The following CSRP2 variants were observed in gnomAD, a reference collection of about 807,000 sequenced individuals.
CSRP2 encodes cysteine and glycine rich protein 2, also known as cysteine and glycine-rich protein 2.
In CSRP2, 18 loss-of-function variants were observed where a neutral mutation model predicts 24.6. The ratio of observed to expected loss-of-function variants is 0.73; its 90% CI spans 0.51 to 1.09. The LOEUF (loss-of-function observed/expected upper bound fraction) is 1.09, where lower values mean the gene tolerates loss of function less well. CSRP2 is among the 50% of genes least tolerant of loss of function. The probability of loss-of-function intolerance (pLI) is 0.00; values close to 1 mark genes in which losing one functional copy is unlikely to be tolerated. For synonymous variants in CSRP2, 87 were observed against 84.3 expected, an observed-to-expected ratio of 1.03 and a Z score of -0.18; for missense variants, 215 against 239.4, an observed-to-expected ratio of 0.90 and a Z score of 0.67.
Position 76,860,348 on chromosome 12 carries a change from G to C in CSRP2, c.347C>G (p.Ala116Gly). 6.2e-7 allele frequency: 1 copy of C among 1,614,078 alleles called. No individual in the cohort carries two copies. The highest frequency in any genetic ancestry group is 8.5e-7 in the Non-Finnish European group (1 of 1,179,964). The change falls in exon 4 of 6, where the codon GCT becomes GGT. Residue 116 changes from alanine to glycine, a missense_variant. Transcript: ENST00000311083. ...TSKFAQKYGG[A>G]EKCSRCGDSV... ...ATCCCCACATCTGGAACACTTCTCA[G>C]CACCTCCATATTTCTGAGCAAATTT...
intron 1 of CSRP2, among the ~76,000 whole-genome samples, chr12:76,866,477 T>A (rs1174847820): frequency 2.0e-5 from 3 of 152,114 alleles, no homozygotes; most frequent in African/African-American, 7.2e-5. Context: ...ACAAGATTTT[T>A]TTTTTTTCCT....
At chr12:76,864,275 T>C (rs1953712386) in intron 2 of CSRP2, 3 of 152,186 alleles carry the variant, frequency 2.0e-5, no homozygotes, top group Admixed American at 2.0e-4. Context: ...TTCTTCCCCT[T>C]ATTTAAAAGA....
intron 1 of CSRP2, among the ~76,000 whole-genome samples, chr12:76,874,756 A>G (rs1953837338): frequency 1.3e-5 from 2 of 152,162 alleles, no homozygotes; most frequent in South Asian, 4.1e-4. Flanking sequence ...AGATCGGCAG[A>G]GGCATTAGAT....
At chr12:76,862,563 TG>T in intron 3 of CSRP2, 1 of 356,480 alleles carries the variant, frequency 2.8e-6, no homozygotes, top group Non-Finnish European at 4.6e-6. Flanking sequence ...AAAAAGTGTG[TG>T]GGGGGAATTC....
intron 1 of CSRP2, among the ~76,000 whole-genome samples, chr12:76,869,578 A>ACACACACACACACACACACC (rs1420575005): frequency 7.2e-6 from 1 of 138,900 alleles, no homozygotes; most frequent in African/African-American, 2.7e-5. Context: ...ACACACACAC[A>ACACACACACACACACACACC]CCCCTGACTG....
At chr12:76,871,368 G>C (rs959572409) in intron 1 of CSRP2, among the ~76,000 whole-genome samples, 2 of 152,206 alleles carry the variant, frequency 1.3e-5, no homozygotes, top group Non-Finnish European at 2.9e-5. Context: ...AACAAACAAG[G>C]TAAGGACAAA....
At chr12:76,862,686 AG>A in intron 3 of CSRP2, 1 of 1,213,236 alleles carries the variant, frequency 8.2e-7, no homozygotes, top group South Asian at 2.3e-5. Flanking sequence ...ACTCTCTCAA[AG>A]AATCAAAAAT....
At chr12:76,859,153 G>T in intron 5 of CSRP2, 125 bp from the exon 6 acceptor site, 1 of 727,674 alleles carries the variant, frequency 1.4e-6, no homozygotes, top group Non-Finnish European at 2.4e-6. Flanking sequence ...ACTTATTTAA[G>T]ATGTTAAATG....
rs33997080 is a variant in CSRP2 at position 76,867,332 on chromosome 12, TAAAA to T, written c.-1-1075_-1-1072del. ...AGCGAAACCCCGTCTCTGCTAAATT[TAAAA>T]AAAAAAAAAAAAAAAAAAAAAAGAT... On this transcript the variant is annotated intron_variant, in intron 1 of 5. Transcript: ENST00000311083. Among the ~76,000 whole-genome samples, 150 of 100,154 alleles carry T rather than the reference TAAAA, an allele frequency of 1.5e-3. 1 individual carries two copies. Among genetic ancestry groups the T allele is most frequent in the African/African-American group, 5.6e-3 (142 of 25,494 alleles). 65.7% of individuals were successfully genotyped at this position (100,154 alleles called of 152,430 possible). A position where few individuals can be genotyped will look rare whatever the true frequency, so the allele number is the denominator to read the frequency against.
chr12:76,868,937 G>GAAAAAAAAAAAAAAAAAAAAAAAAAAAAA (rs980686297), intron 1 of CSRP2, among the ~76,000 whole-genome samples: 1 of 61,246 alleles, frequency 1.6e-5, no homozygotes. Context: ...CGCCTCAAAA[G>GAAAAAAAAAAAAAAAAAAAAAAAAAAAAA]AAAAAAAAAA....
In CSRP2 at chr12:76,858,721, T is replaced by C. The variant is rs1382728799; in HGVS notation, c.*231A>G. On this transcript the variant is annotated 3_prime_UTR_variant, in exon 6 of 6. Coordinates refer to ENST00000311083, the MANE Select transcript of CSRP2 (RefSeq NM_001321.3). ...AAGACAATGAACACCCAAATCAAGC[T>C]GAAGTTTTATTTAAAATGTAAAAGA... 5 of 390,076 alleles carry C rather than the reference T, an allele frequency of 1.3e-5. No homozygotes were observed. The highest frequency in any genetic ancestry group is 2.3e-5 in the Non-Finnish European group (5 of 212,982). 24.2% of individuals were successfully genotyped at this position (390,076 alleles called of 1,614,324 possible).
At chr12:76,870,753 C>T (rs1442667797) in intron 1 of CSRP2, among the ~76,000 whole-genome samples, 4 of 150,856 alleles carry the variant, frequency 2.7e-5, no homozygotes, top group African/African-American at 9.7e-5. Flanking sequence ...TGCCTGTAAT[C>T]CCAACACTTT....
chr12:76,860,312 G>C lies in CSRP2; in HGVS notation c.383C>G (p.Ala128Gly). 6.2e-7 allele frequency: 1 copy of C among 1,614,060 alleles called. No homozygotes were observed. Among genetic ancestry groups the C allele is most frequent in the Middle Eastern group, 1.7e-4 (1 of 6,056 alleles). ...TCCAGCTCCAATTATCTTCTCGGCA[G>C]CATATACAGAATCCCCACATCTGGA... is the stretch of plus-strand genomic sequence containing the variant. ...KCSRCGDSVYAAEKIIGAGKP... is the reference protein window; with the variant it reads ...KCSRCGDSVYGAEKIIGAGKP... Residue 128 changes from alanine (A) to glycine (G), a missense_variant, in exon 4 of 6, where the codon GCT becomes GGT. Coordinates refer to ENST00000311083, the MANE Select transcript of CSRP2 (RefSeq NM_001321.3).
chr12:76,876,109 A>G (rs754155848), intron 1 of CSRP2, among the ~76,000 whole-genome samples: 5 of 152,142 alleles, frequency 3.3e-5, no homozygotes, highest in Admixed American at 1.3e-4. Context: ...TGAGGATTCA[A>G]TTCTCTCTGC....
At position 76,858,898 on chromosome 12, in the gene CSRP2, G is replaced by T; in HGVS notation, c.*54C>A. On this transcript the variant is annotated 3_prime_UTR_variant, in exon 6 of 6. Transcript: ENST00000311083. The stretch of plus-strand genomic sequence containing the variant: ...TAGTTTAGTGTTAAAGATTATCTGT[G>T]CCTAGATTATGAAGAGATTCTCAGT... 2.7e-6 allele frequency: 4 copies of T among 1,456,294 alleles called. No individual in the cohort carries two copies. Among genetic ancestry groups the T allele is most frequent in the Non-Finnish European group, 3.9e-6 (4 of 1,036,742 alleles). The allele number at this position is 1,456,294 out of a possible 1,614,324, so 90.2% of individuals were successfully genotyped here. A position where few individuals can be genotyped will look rare whatever the true frequency, so the allele number is the denominator to read the frequency against.
chr12:76,862,935 C>T (rs535477155), intron 3 of CSRP2: 16 of 1,509,092 alleles, frequency 1.1e-5, no homozygotes, highest in Non-Finnish European at 1.3e-5. Context: ...TTTGAGAACA[C>T]GACTCCTTGA....
At chr12:76,859,476 A>C in intron 5 of CSRP2, 71 bp downstream of exon 5, 1 of 969,212 alleles carries the variant, frequency 1.0e-6, no homozygotes, top group Non-Finnish European at 1.6e-6. Flanking sequence ...TTTTAATGCC[A>C]GTGACATTTC....
At position 76,879,011 on chromosome 12, in the gene CSRP2, C is replaced by T. The variant is rs1043283523; in HGVS notation, c.-75G>A. 2 of 152,126 alleles carry T rather than the reference C, an allele frequency of 1.3e-5. No homozygotes were observed. Among genetic ancestry groups the T allele is most frequent in the Non-Finnish European group, 2.9e-5 (2 of 68,054 alleles). 9.4% of individuals were successfully genotyped at this position (152,126 alleles called of 1,614,324 possible). ...GGCTGGAGGGAGGGTCCAGGGAGTC[C>T]GAGATCCCAGGCGAAGCGCGCGCCG... is the stretch of plus-strand genomic sequence containing the variant. On this transcript the variant is annotated 5_prime_UTR_variant, in exon 1 of 6. Transcript: ENST00000311083.
At chr12:76,863,370 C>T in intron 2 of CSRP2, 26 bp from the exon 3 acceptor site, 2 of 1,609,828 alleles carry the variant, frequency 1.2e-6, no homozygotes, top group South Asian at 1.1e-5. Flanking sequence ...TTAGACTTTA[C>T]ACATGTTCCA....
Sources: allele counts gnomAD v4.1 joint callset (sites outside exome capture counted in the v4.1 genomes callset), GRCh38; gene constraint gnomAD v4.1.1; transcripts MANE v1.5; gene names NCBI Gene and HGNC (gene_info 2026-07-23, HGNC 2026-07-21).